The following ATG2A variants were observed in gnomAD, a reference collection of about 807,000 sequenced individuals.
ATG2A encodes the protein autophagy-related protein 2 homolog A.
A neutral mutation model predicts 214.2 loss-of-function variants in ATG2A; 103 were observed. The observed-to-expected ratio is 0.48, with a 90% confidence interval of 0.41 to 0.57. The LOEUF (loss-of-function observed/expected upper bound fraction) is 0.57. Ranked by LOEUF, ATG2A falls within the 20% of genes least tolerant of loss-of-function variation. The pLI, the probability that ATG2A is intolerant of heterozygous loss-of-function variation, is 0.00. For missense variants in ATG2A, 2,312 were observed against 2,613.2 expected, an observed-to-expected ratio of 0.88 and a Z score of 2.51; for synonymous variants, 1,160 against 1,142.1, an observed-to-expected ratio of 1.02 and a Z score of -0.32.
In ATG2A at chr11:64,909,112, T is replaced by C. The variant is rs1233814053; in HGVS notation, c.2243A>G (p.Gln748Arg). The C allele has an allele frequency of 1.2e-6, 2 of 1,612,548 alleles. No individual in the cohort carries two copies. The highest frequency in any genetic ancestry group is 1.7e-5 in the Admixed American group (1 of 59,952). The change falls in exon 16 of 41, where the codon CAG (glutamine) becomes CGG (arginine). Residue 748 changes from glutamine to arginine, a missense_variant. By Grantham distance (43) the Gln-to-Arg change is conservative (BLOSUM62 1). Coordinates refer to ENST00000377264, the MANE Select transcript of ATG2A (RefSeq NM_015104.3). ...TCCCTTCTCCGGGGCCACCTCCCAC[T>C]GTGTGCTGCTGGACTGGGGGTTCAC... Reference protein sequence around the residue: ...VTVNPQSSSTQWEVAPEKGEE... With the variant: ...VTVNPQSSSTRWEVAPEKGEE...
At position 64,897,911 on chromosome 11, in the gene ATG2A, G is replaced by C; in HGVS notation, c.4922C>G (p.Thr1641Ser). The stretch of plus-strand genomic sequence containing the variant: ...TCCTGGGGCCTCCTGCGAACCAGTG[G>C]TCTCTACGCCTTCGGCCTGCCCTTC... ...PLEGQAEGVETTGSQEAPGGG... is the reference protein window; with the variant it reads ...PLEGQAEGVESTGSQEAPGGG... The change falls in exon 35 of 41, where the codon ACC (threonine) becomes AGC (serine). Residue 1641 changes from threonine to serine, a missense_variant. By Grantham distance (58) the Thr-to-Ser change is moderately conservative (BLOSUM62 1). Coordinates refer to ENST00000377264, the MANE Select transcript of ATG2A (RefSeq NM_015104.3). 6.4e-7 allele frequency: 1 copy of C among 1,560,672 alleles called. No individual in the cohort carries two copies.
Position 64,905,596 on chromosome 11 carries a change from T to C in ATG2A, c.3431A>G (p.Asn1144Ser). The change falls in exon 24 of 41, where the codon AAC becomes AGC. Residue 1144 changes from asparagine to serine, a missense_variant. Coordinates refer to ENST00000377264, the MANE Select transcript of ATG2A (RefSeq NM_015104.3). ...ITAETFTLSSNIIMDTSTFLL... is the reference protein window; with the variant it reads ...ITAETFTLSSSIIMDTSTFLL... ...GAAGGTGGAGGTGTCCATGATGATGTTGCTGGAGAGAGTGAAGGTCTCCGC... is the reference window on the plus strand; with the variant it reads ...GAAGGTGGAGGTGTCCATGATGATGCTGCTGGAGAGAGTGAAGGTCTCCGC... 1.2e-6 allele frequency: 2 copies of C among 1,613,390 alleles called. No homozygotes were observed. Among genetic ancestry groups the C allele is most frequent in the Non-Finnish European group, 8.5e-7 (1 of 1,179,780 alleles).
At position 64,897,779 on chromosome 11, in the gene ATG2A, C is replaced by T. The variant is rs771205464; in HGVS notation, c.4995-36G>A. ...GAGCAGGAAGAGGGGGTTCTTTGCT[C>T]ACTGGCCTGGCCCCCAGCAATCTGG... On this transcript the variant is annotated intron_variant, in intron 35 of 40. Transcript: ENST00000377264. The T allele has an allele frequency of 1.4e-5, 23 of 1,614,050 alleles. No homozygotes were observed. The Admixed American group carries it at 3.8e-4, about 27-fold the overall frequency.
Position 64,895,538 on chromosome 11 carries a change from C to T in ATG2A, c.5428-96G>A. On this transcript the variant is annotated intron_variant, in intron 39 of 40. Transcript: ENST00000377264. The surrounding 1 kb of genome is among the most constrained non-coding windows in gnomAD (Gnocchi z 5.0). ...GTCTGAGACCCCACCAGCCCTCAGCCTCCCTGCCTGTCACTGTGCTGGCCT... is the reference window on the plus strand; with the variant it reads ...GTCTGAGACCCCACCAGCCCTCAGCTTCCCTGCCTGTCACTGTGCTGGCCT... 1 of 1,361,718 alleles carries T rather than the reference C, an allele frequency of 7.3e-7. No homozygotes were observed. Among genetic ancestry groups the T allele is most frequent in the South Asian group, 1.5e-5 (1 of 66,490 alleles). 84.4% of individuals were successfully genotyped at this position (1,361,718 alleles called of 1,614,324 possible).
In ATG2A at chr11:64,903,876, TCAA is replaced by T. The variant is rs1302513025; in HGVS notation, c.3465-219_3465-217del. The stretch of plus-strand genomic sequence containing the variant: ...TCAAAGTGCCTGCAGTTCCGACACC[TCAA>T]TGGGGCCTCATGACAGTCCTGGGAA... On this transcript the variant is annotated intron_variant, in intron 24 of 40. Coordinates refer to ENST00000377264, the MANE Select transcript of ATG2A (RefSeq NM_015104.3). The surrounding 1 kb of genome is among the most constrained non-coding windows in gnomAD (Gnocchi z 4.2). Among the ~76,000 whole-genome samples the T allele has an allele frequency of 1.3e-5, 2 of 152,222 alleles. No homozygotes were observed. The highest frequency in any genetic ancestry group is 2.9e-5 in the Non-Finnish European group (2 of 68,026).
Position 64,895,024 on chromosome 11 carries a change from G to C in ATG2A, c.5766C>G (p.Asp1922Glu), listed in dbSNP as rs201287709. The change falls in exon 41 of 41, where the codon GAC becomes GAG. Residue 1922 changes from aspartate to glutamate, a missense_variant. Asp to Glu is a conservative substitution (Grantham distance 45). Coordinates refer to ENST00000377264, the MANE Select transcript of ATG2A (RefSeq NM_015104.3). This position sits in a 1 kb window ranked among gnomAD's most constrained non-coding sequence, Gnocchi z 5.0. The part of the protein sequence containing the change: ...LGGMRNQIVP[D>E]AHKDHALKWR... ...ACTTGAGGGCGTGGTCCTTGTGGGCGTCGGGGACAATCTGGTTGCGCATGC... is the reference window on the plus strand; with the variant it reads ...ACTTGAGGGCGTGGTCCTTGTGGGCCTCGGGGACAATCTGGTTGCGCATGC... The C allele has an allele frequency of 1.9e-6, 3 of 1,613,202 alleles. No homozygotes were observed. Among genetic ancestry groups the C allele is most frequent in the Non-Finnish European group, 2.5e-6 (3 of 1,179,554 alleles).
chr11:64,902,630 G>T lies in ATG2A; in HGVS notation c.3663C>A (p.His1221Gln), dbSNP rs1406663691. The change falls in exon 27 of 41, where the codon CAC becomes CAA. Residue 1221 changes from histidine (H) to glutamine (Q), a missense_variant. Physicochemically the swap from His to Gln is conservative, Grantham distance 24 (BLOSUM62 0). Coordinates refer to ENST00000377264, the MANE Select transcript of ATG2A (RefSeq NM_015104.3). Reference protein sequence around the residue: ...LRCSNNVVHVHSCADSCALLV... With the variant: ...LRCSNNVVHVQSCADSCALLV... Reference sequence around the variant, plus strand: ...GCAGGGCACAGGAGTCGGCACAGCTGTGCACGTGTACCACATTGTTGGAGC... The same window carrying T: ...GCAGGGCACAGGAGTCGGCACAGCTTTGCACGTGTACCACATTGTTGGAGC... 6.2e-7 allele frequency: 1 copy of T among 1,611,032 alleles called. No individual in the cohort carries two copies. Among genetic ancestry groups the T allele is most frequent in the Non-Finnish European group, 8.5e-7 (1 of 1,179,880 alleles).
Position 64,903,669 on chromosome 11 carries a change from G to T in ATG2A, c.3465-9C>A. 1 of 1,548,708 alleles carries T rather than the reference G, an allele frequency of 6.5e-7. No individual in the cohort carries two copies. The highest frequency in any genetic ancestry group is 8.7e-7 in the Non-Finnish European group (1 of 1,145,632). On this transcript the variant is annotated splice_polypyrimidine_tract_variant and intron_variant, in intron 24 of 40. Coordinates refer to ENST00000377264, the MANE Select transcript of ATG2A (RefSeq NM_015104.3). This position sits in a 1 kb window ranked among gnomAD's most constrained non-coding sequence, Gnocchi z 4.2. ...AGTCATCGAGGATGAACCTGGGGGG[G>T]AACAGGGCTGAGAAGGGCCCGGGCA...
Position 64,905,536 on chromosome 11 carries a change from T to G in ATG2A, c.3464+27A>C, listed in dbSNP as rs544654461. 2.0e-5 allele frequency: 32 copies of G among 1,596,454 alleles called. 1 individual carries two copies. The highest frequency in any genetic ancestry group is 1.8e-4 in the Middle Eastern group (1 of 5,578). On this transcript the variant is annotated intron_variant, in intron 24 of 40. Transcript: ENST00000377264. ...CAGCTTCGGCCCGGCGAGGGTGGGA[T>G]GGCCCAGTGTGGGGCGGCCTGCATA...
In ATG2A at chr11:64,911,072, G is replaced by A. The variant is rs188780113; in HGVS notation, c.1432C>T (p.Arg478Cys). ...CTACAGGGACAGGCCCTCTGGAAGC[G>A]TGGTCGAAGGTGATGGAAGTCTCGG... ...GSRDFHHLRP[R>C]FQRACPCSHV... Residue 478 changes from arginine to cysteine, a missense_variant, in exon 10 of 41, where the codon CGC becomes TGC. By Grantham distance (180) the Arg-to-Cys change is radical. Coordinates refer to ENST00000377264, the MANE Select transcript of ATG2A (RefSeq NM_015104.3). 926 of 1,614,054 alleles carry A rather than the reference G, an allele frequency of 5.7e-4. 12 individuals are homozygous for A. The East Asian group carries it at 0.02, about 35-fold the overall frequency.
chr11:64,896,365 C>G, intron 39 of ATG2A, 97 bp downstream of exon 39: 1 of 1,467,314 alleles, frequency 6.8e-7, no homozygotes, highest in South Asian at 1.4e-5. Flanking sequence ...CCAGACTGCC[C>G]ACTCTGAGGA....
intron 1 of ATG2A, 87 bp downstream of exon 1, chr11:64,916,878 T>A (rs1590667696): frequency 2.8e-5 from 44 of 1,549,666 alleles, no homozygotes; most frequent in Non-Finnish European, 3.6e-5. Context: ...CGGTGCCTGA[T>A]CCCCCAGCCC....
chr11:64,907,493 T>C, intron 18 of ATG2A, 32 bp downstream of exon 18: 1 of 1,611,786 alleles, frequency 6.2e-7, no homozygotes, highest in Non-Finnish European at 8.5e-7. Context: ...CTGGGGGTCC[T>C]CCCTCTAGCC....
At chr11:64,914,957 G>A (rs1317961415) in intron 1 of ATG2A, among the ~76,000 whole-genome samples, 1 of 151,826 alleles carries the variant, frequency 6.6e-6, no homozygotes, top group Admixed American at 6.6e-5. Context: ...TCAGAGGAGG[G>A]GCAAGCTGAA....
rs145890967 is a variant in ATG2A at position 64,898,247 on chromosome 11, C to G, written c.4773+14G>C. 1 of 1,613,750 alleles carries G rather than the reference C, an allele frequency of 6.2e-7. No individual in the cohort carries two copies. The highest frequency in any genetic ancestry group is 1.3e-5 in the African/African-American group (1 of 75,038). ...GGGGTCACCCTAGGCTCTGCCCTCA[C>G]GTAGACCACTCACCTGGTCCACATT... On this transcript the variant is annotated intron_variant, in intron 33 of 40. Coordinates refer to ENST00000377264, the MANE Select transcript of ATG2A (RefSeq NM_015104.3). The surrounding 1 kb of genome is among the most constrained non-coding windows in gnomAD (Gnocchi z 4.5).
intron 1 of ATG2A, among the ~76,000 whole-genome samples, chr11:64,915,137 C>A (rs1022545211): frequency 7.6e-5 from 3 of 39,482 alleles, no homozygotes; most frequent in Non-Finnish European, 2.1e-4. Flanking sequence ...ATGGGACCCC[C>A]CCCCCCCACC....
Position 64,908,034 on chromosome 11 carries a change from G to A in ATG2A, c.2365-144C>T, listed in dbSNP as rs111846806. 2.8e-3 allele frequency: 2,801 copies of A among 991,758 alleles called. 44 individuals are homozygous for A. The African/African-American group carries it at 0.035, about 12-fold the overall frequency. 61.4% of individuals were successfully genotyped at this position (991,758 alleles called of 1,614,324 possible). A position where few individuals can be genotyped will look rare whatever the true frequency, so the allele number is the denominator to read the frequency against. ...TCTCTACTGGGGATGCATGATAGCC[G>A]TACAGATACAGTGCTGATGGCACAC... is the stretch of plus-strand genomic sequence containing the variant. On this transcript the variant is annotated intron_variant, in intron 16 of 40. Coordinates refer to ENST00000377264, the MANE Select transcript of ATG2A (RefSeq NM_015104.3).
At chr11:64,910,563 G>A in intron 12 of ATG2A, 53 bp downstream of exon 12, 1 of 1,545,868 alleles carries the variant, frequency 6.5e-7, no homozygotes. Flanking sequence ...AGAGGCCAGG[G>A]TGGGGTCAAC....
At position 64,907,354 on chromosome 11, in the gene ATG2A, C is replaced by T. The variant is rs1377535725; in HGVS notation, c.2733G>A (p.Gln911=). ...FFSVGASGGP[Q]AAAPEAPSLH... ...GACTTGGGGCCTCAGGGGCAGCGGCCTGTGGGCCACCTGATGCCCCCACTG... is the reference window on the plus strand; with the variant it reads ...GACTTGGGGCCTCAGGGGCAGCGGCTTGTGGGCCACCTGATGCCCCCACTG... Residue 911 remains glutamine (Q), a synonymous_variant, in exon 19 of 41, where the codon CAG becomes CAA. Transcript: ENST00000377264. 15 of 1,557,932 alleles carry T rather than the reference C, an allele frequency of 9.6e-6. No homozygotes were observed. Among genetic ancestry groups the T allele is most frequent in the Non-Finnish European group, 1.2e-5 (14 of 1,151,030 alleles).
Sources: gnomAD v4.1 joint callset for allele counts (sites outside exome capture counted in the v4.1 genomes callset) on GRCh38, gnomAD v4.1.1 for gene constraint, Gnocchi (gnomAD v3.1) non-coding constraint, MANE v1.5 for transcripts, NCBI Gene and HGNC (gene_info 2026-07-23, HGNC 2026-07-21) for gene names.